Variants in KCNC1 observed in about 807,000 individuals in gnomAD.
KCNC1 encodes voltage-gated potassium channel KCNC1.
A neutral mutation model predicts 43.4 loss-of-function variants in KCNC1; 8 were observed. That is an observed-to-expected ratio of 0.18 (90% confidence interval 0.11 to 0.33). The LOEUF (loss-of-function observed/expected upper bound fraction) is 0.33. Ranked by LOEUF, KCNC1 falls within the 10% of genes least tolerant of loss-of-function variation. The pLI is 1.00. For missense variants in KCNC1, 420 were observed against 836.0 expected (o/e 0.50, Z 6.14); for synonymous variants, 361 against 360.5 (o/e 1.00, Z -0.01).
At chr11:17,745,901 T>C (rs1280530276) in intron 1 of KCNC1, among the ~76,000 whole-genome samples, 1 of 152,170 alleles carries the variant, frequency 6.6e-6, no homozygotes, top group Non-Finnish European at 1.5e-5. Context: ...TCTGATGTAC[T>C]ATATAGTTTA....
At chr11:17,775,375 G>C in intron 2 of KCNC1, 1 of 985,558 alleles carries the variant, frequency 1.0e-6, no homozygotes, top group Non-Finnish European at 1.2e-6. Flanking sequence ...CAGTCTGTGT[G>C]TCTGTCCCAG....
At chr11:17,769,325 A>C (rs1418334921) in intron 1 of KCNC1, among the ~76,000 whole-genome samples, 1 of 143,778 alleles carries the variant, frequency 7.0e-6, no homozygotes, top group African/African-American at 2.5e-5. Flanking sequence ...GTTGGAAGGG[A>C]GGGATGGAGG....
intron 1 of KCNC1, among the ~76,000 whole-genome samples, chr11:17,749,622 C>T (rs889607626): frequency 3.9e-5 from 6 of 152,234 alleles, no homozygotes; most frequent in Non-Finnish European, 8.8e-5. Context: ...GCTCTCTGAG[C>T]AGCAGTGAGG....
At chr11:17,747,120 C>T (rs1848908864) in intron 1 of KCNC1, among the ~76,000 whole-genome samples, 1 of 152,186 alleles carries the variant, frequency 6.6e-6, no homozygotes, top group Non-Finnish European at 1.5e-5. Context: ...GGCAGCTCAC[C>T]TACCGTGGTC....
chr11:17,773,530 A>G lies in KCNC1; in HGVS notation c.1504+932A>G, dbSNP rs796756057. On this transcript the variant is annotated intron_variant, in intron 2 of 3. Coordinates refer to ENST00000265969, the MANE Select transcript of KCNC1 (RefSeq NM_001112741.2). This position sits in a 1 kb window ranked among gnomAD's most constrained non-coding sequence, Gnocchi z 4.1. ...AATATAGACATCCCAACCAGTGTAC[A>G]ACCACTTTCCCGTGAATTCACTGGG... The G allele has an allele frequency of 3.1e-6, 3 of 982,582 alleles. No homozygotes were observed. In the South Asian group the frequency reaches 1.4e-4, roughly 47 times the overall value. The allele number at this position is 982,582 out of a possible 1,614,324, so 60.9% of individuals were successfully genotyped here. A position where few individuals can be genotyped will look rare whatever the true frequency, so the allele number is the denominator to read the frequency against.
Position 17,776,117 on chromosome 11 carries a change from G to A in KCNC1, c.1505-3339G>A, listed in dbSNP as rs2133808110. 4 of 985,470 alleles carry A rather than the reference G, an allele frequency of 4.1e-6. No homozygotes were observed. The South Asian group carries it at 1.9e-4, about 46-fold the overall frequency. The allele number at this position is 985,470 out of a possible 1,614,324, so 61.0% of individuals were successfully genotyped here. A position where few individuals can be genotyped will look rare whatever the true frequency, so the allele number is the denominator to read the frequency against. On this transcript the variant is annotated intron_variant, in intron 2 of 3. Transcript: ENST00000265969. This position sits in a 1 kb window ranked among gnomAD's most constrained non-coding sequence, Gnocchi z 4.4. Reference sequence around the variant, plus strand: ...TGTTGTCCTCAGGTGGGCTGTGGGGGAAGTAGCGGAGAAATGAAGTGACGC... The same window carrying A: ...TGTTGTCCTCAGGTGGGCTGTGGGGAAAGTAGCGGAGAAATGAAGTGACGC...
chr11:17,735,730 C>T lies in KCNC1; in HGVS notation c.-273C>T. The T allele has an allele frequency of 4.4e-6, 1 of 224,808 alleles. No homozygotes were observed. Among genetic ancestry groups the T allele is most frequent in the Non-Finnish European group, 8.6e-6 (1 of 116,334 alleles). The allele number at this position is 224,808 out of a possible 1,614,324, so 13.9% of individuals were successfully genotyped here. A position where few individuals can be genotyped will look rare whatever the true frequency, so the allele number is the denominator to read the frequency against. On this transcript the variant is annotated 5_prime_UTR_variant, in exon 1 of 4. Coordinates refer to ENST00000265969, the MANE Select transcript of KCNC1 (RefSeq NM_001112741.2). The surrounding 1 kb of genome is among the most constrained non-coding windows in gnomAD (Gnocchi z 6.7). ...CTTTCTCCCTCCCTTCTTTCCTCCT[C>T]TGCCTCCTCCGCTGCCGGACCAGCT... is the stretch of plus-strand genomic sequence containing the variant.
chr11:17,746,583 G>A (rs903394171), intron 1 of KCNC1, among the ~76,000 whole-genome samples: 2 of 152,010 alleles, frequency 1.3e-5, no homozygotes, highest in Admixed American at 1.3e-4. Flanking sequence ...CTGTAGCTGT[G>A]CTTGTGGAAA....
chr11:17,771,169 G>T lies in KCNC1; in HGVS notation c.571-496G>T, dbSNP rs1849221753. 6.6e-6 allele frequency among the ~76,000 whole-genome samples: 1 copy of T among 152,160 alleles called. No homozygotes were observed. On this transcript the variant is annotated intron_variant, in intron 1 of 3. Coordinates refer to ENST00000265969, the MANE Select transcript of KCNC1 (RefSeq NM_001112741.2). This position sits in a 1 kb window ranked among gnomAD's most constrained non-coding sequence, Gnocchi z 4.7. Reference sequence around the variant, plus strand: ...GAGCCTGGAGTTGGGAGAACAAATGGAGATCTGGCCTCTGAGGGGCTTCAT... The same window carrying T: ...GAGCCTGGAGTTGGGAGAACAAATGTAGATCTGGCCTCTGAGGGGCTTCAT...
At chr11:17,774,560 C>T (rs973263595) in intron 2 of KCNC1, 2 of 985,574 alleles carry the variant, frequency 2.0e-6, no homozygotes, top group African/African-American at 3.5e-5. Context: ...CAGACATGCA[C>T]ACCAGCTAAT....
chr11:17,738,815 C>T (rs1451575068), intron 1 of KCNC1, among the ~76,000 whole-genome samples: 3 of 152,220 alleles, frequency 2.0e-5, no homozygotes, highest in East Asian at 3.9e-4. Flanking sequence ...CGGGGTGAGG[C>T]GGTACTGGGA....
rs761540989 is a variant in KCNC1, at chr11:17,736,446, G to A, written c.444G>A (p.Glu148=). ...GCGACTCGGGCGACGGCGAGGACGA[G>A]CTGGAGATGACCAAGCGCCTGGCGC... ...GPGDSGDGED[E]LEMTKRLALS... Residue 148 remains glutamate, a synonymous_variant, in exon 1 of 4, where the codon GAG becomes GAA. Coordinates refer to ENST00000265969, the MANE Select transcript of KCNC1 (RefSeq NM_001112741.2). The surrounding 1 kb of genome is among the most constrained non-coding windows in gnomAD (Gnocchi z 9.3). 6.2e-7 allele frequency: 1 copy of A among 1,605,098 alleles called. No homozygotes were observed. The highest frequency in any genetic ancestry group is 2.2e-5 in the East Asian group (1 of 44,702).
chr11:17,772,727 G>A (rs1849244413), intron 2 of KCNC1, 129 bp downstream of exon 2: 1 of 1,507,352 alleles, frequency 6.6e-7, no homozygotes, highest in South Asian at 1.4e-5. Flanking sequence ...CAGTCTGGAG[G>A]TGTGGAGCCT....
In KCNC1 at chr11:17,782,716, A is replaced by G. The variant is rs1590111362; in HGVS notation, c.*982A>G. ...TGCAAAGCGATTCTAGCATGAAATA[A>G]ATTTTGTATCATGGTTTCTGTATAG... is the stretch of plus-strand genomic sequence containing the variant. On this transcript the variant is annotated 3_prime_UTR_variant, in exon 4 of 4. Transcript: ENST00000265969. 6.6e-6 allele frequency: 1 copy of G among 152,338 alleles called. No homozygotes were observed. The highest frequency in any genetic ancestry group is 2.1e-4 in the South Asian group (1 of 4,822). 9.4% of individuals were successfully genotyped at this position (152,338 alleles called of 1,614,324 possible).
chr11:17,778,508 C>T (rs942164093), intron 2 of KCNC1, among the ~76,000 whole-genome samples: 4 of 152,272 alleles, frequency 2.6e-5, no homozygotes, highest in South Asian at 4.1e-4. Context: ...CTCATGCATA[C>T]ATCCTTGTTG....
At chr11:17,755,258 T>C (rs1036793569) in intron 1 of KCNC1, among the ~76,000 whole-genome samples, 6 of 152,102 alleles carry the variant, frequency 3.9e-5, no homozygotes, top group African/African-American at 1.4e-4. Context: ...GGGGAGATAA[T>C]GGATGACCAG....
intron 2 of KCNC1, among the ~76,000 whole-genome samples, chr11:17,778,538 G>T (rs1002438841): frequency 1.3e-5 from 2 of 152,280 alleles, no homozygotes; most frequent in South Asian, 4.1e-4. Flanking sequence ...AAGCTGACCA[G>T]GCCTGCTGGG....
intron 2 of KCNC1, chr11:17,775,533 A>T: frequency 1.0e-6 from 1 of 985,452 alleles, no homozygotes; most frequent in Non-Finnish European, 1.2e-6. Context: ...ACAGCCAGGG[A>T]TTGCCTAGGG....
intron 2 of KCNC1, 94 bp downstream of exon 2, chr11:17,772,692 C>T (rs1470006816): frequency 6.5e-6 from 10 of 1,541,986 alleles, no homozygotes; most frequent in African/African-American, 4.1e-5. Context: ...TCCTTAGTTC[C>T]GTGGGTGACC....
Sources: gnomAD v4.1 joint callset for allele counts (sites outside exome capture counted in the v4.1 genomes callset) on GRCh38, gnomAD v4.1.1 for gene constraint, Gnocchi (gnomAD v3.1) non-coding constraint, MANE v1.5 for transcripts, NCBI Gene and HGNC (gene_info 2026-07-23, HGNC 2026-07-21) for gene names.